The following SLC26A7 variants were observed in gnomAD, a reference collection of about 807,000 sequenced individuals.
The protein encoded by SLC26A7 is solute carrier family 26 member 7, also known as anion exchange transporter.
In SLC26A7, 59 loss-of-function variants were observed where a neutral mutation model predicts 82.5. The observed-to-expected ratio is 0.72, with a 90% CI of 0.58 to 0.89. The LOEUF (loss-of-function observed/expected upper bound fraction) is 0.89, where lower values mean the gene tolerates loss of function less well. SLC26A7 is among the 40% of genes least tolerant of loss of function. SLC26A7 has a pLI of 0.00. For synonymous variants in SLC26A7, 271 were observed against 274.3 expected, an observed-to-expected ratio of 0.99 and a Z score of 0.12; for missense variants, 820 against 793.0, an observed-to-expected ratio of 1.03 and a Z score of -0.41.
chr8:91,236,319 T>A (rs1810392270), intron 2 of SLC26A7, among the ~76,000 whole-genome samples: 1 of 152,182 alleles, frequency 6.6e-6, no homozygotes, highest in Admixed American at 6.5e-5. Context: ...TGCCAAAGTT[T>A]TCAGGGAATA....
chr8:91,312,561 TC>T (rs886186401), intron 4 of SLC26A7, among the ~76,000 whole-genome samples: 7 of 152,086 alleles, frequency 4.6e-5, no homozygotes, highest in African/African-American at 1.7e-4. Flanking sequence ...CATTTTACAT[TC>T]CCAGCAACAG....
Position 91,354,206 on chromosome 8 carries a change from C to T in SLC26A7, c.1314+1210C>T, listed in dbSNP as rs1482965149. On this transcript the variant is annotated intron_variant, in intron 11 of 18. Transcript: ENST00000276609. ...TGATAACCCTATGGTTAAGTTATTTCTAAGGAACTCATTGATCATATAGGA... is the reference window on the plus strand; with the variant it reads ...TGATAACCCTATGGTTAAGTTATTTTTAAGGAACTCATTGATCATATAGGA... Among the ~76,000 whole-genome samples, 3 of 152,042 alleles carry T rather than the reference C, an allele frequency of 2.0e-5. No homozygotes were observed. In the East Asian group the frequency reaches 5.8e-4, roughly 29 times the overall value.
chr8:91,340,581 C>G (rs375616235), intron 8 of SLC26A7, 30 bp downstream of exon 8: 126 of 1,612,664 alleles, frequency 7.8e-5, no homozygotes, highest in Middle Eastern at 4.9e-4. Context: ...CCTCTCCACT[C>G]CAGTTGTATC....
intron 3 of SLC26A7, among the ~76,000 whole-genome samples, chr8:91,293,454 T>C (rs1158854819): frequency 6.6e-6 from 1 of 152,196 alleles, no homozygotes; most frequent in Non-Finnish European, 1.5e-5. Flanking sequence ...CTTCCCTTGA[T>C]TGGCCTTCAT....
intron 2 of SLC26A7, among the ~76,000 whole-genome samples, chr8:91,254,778 T>A (rs1293137285): frequency 2.0e-5 from 3 of 152,182 alleles, no homozygotes; most frequent in Admixed American, 1.3e-4. Context: ...TTGTATTTTT[T>A]AAAAATATTT....
chr8:91,243,735 A>G (rs1810504933), intron 2 of SLC26A7, among the ~76,000 whole-genome samples: 2 of 151,728 alleles, frequency 1.3e-5, no homozygotes. Flanking sequence ...TAGCCAGAGT[A>G]AAAAAAAATC....
chr8:91,244,495 T>C (rs1281208438), upstream of SLC26A7, among the ~76,000 whole-genome samples: 7 of 150,838 alleles, frequency 4.6e-5, 1 homozygote, highest in African/African-American at 7.3e-5. Flanking sequence ...TTTTTTTTTT[T>C]CTTGCTGCTT....
At chr8:91,344,182 T>G in intron 9 of SLC26A7, 1 of 985,420 alleles carries the variant, frequency 1.0e-6, no homozygotes, top group Non-Finnish European at 1.2e-6. Context: ...AAACCTTTGA[T>G]GATCTAGGCA....
At chr8:91,265,130 A>G (rs1326128660) in intron 2 of SLC26A7, among the ~76,000 whole-genome samples, 1 of 152,010 alleles carries the variant, frequency 6.6e-6, no homozygotes, top group Non-Finnish European at 1.5e-5. Flanking sequence ...TGTAAGTGAG[A>G]TTATGCGGTA....
chr8:91,351,056 T>G (rs1813701655), intron 9 of SLC26A7, among the ~76,000 whole-genome samples: 1 of 152,134 alleles, frequency 6.6e-6, no homozygotes. Flanking sequence ...GTTCTAGGCA[T>G]CTCCATGGCC....
intron 2 of SLC26A7, among the ~76,000 whole-genome samples, chr8:91,228,060 C>T (rs912530240): frequency 2.6e-5 from 4 of 152,198 alleles, no homozygotes; most frequent in African/African-American, 9.7e-5. Context: ...TGGCATGAAG[C>T]CTCCTGATCT....
chr8:91,295,479 A>C, intron 3 of SLC26A7, 52 bp from the exon 4 acceptor site: 1 of 1,561,324 alleles, frequency 6.4e-7, no homozygotes, highest in Non-Finnish European at 8.7e-7. Context: ...ATTTTTATTG[A>C]GCCTTTAAAT....
At chr8:91,381,634 G>A (rs1347276402) in intron 15 of SLC26A7, among the ~76,000 whole-genome samples, 2 of 152,122 alleles carry the variant, frequency 1.3e-5, no homozygotes, top group East Asian at 3.8e-4. Context: ...CACCTTTGCT[G>A]GGTCCTCGTG....
chr8:91,246,316 T>C (rs1810543390), upstream of SLC26A7, among the ~76,000 whole-genome samples: 1 of 152,178 alleles, frequency 6.6e-6, no homozygotes, highest in African/African-American at 2.4e-5. Context: ...TCAAAAGGAA[T>C]GTACAATCTC....
At chr8:91,365,561 T>A (rs1814169352) in intron 13 of SLC26A7, among the ~76,000 whole-genome samples, 1 of 152,206 alleles carries the variant, frequency 6.6e-6, no homozygotes, top group Non-Finnish European at 1.5e-5. Flanking sequence ...GTTTGGCAAC[T>A]TAAGGTTTGT....
Position 91,362,332 on chromosome 8 carries a change from T to G in SLC26A7, c.1315-21T>G, listed in dbSNP as rs762939519. On this transcript the variant is annotated intron_variant, in intron 11 of 18. Coordinates refer to ENST00000276609, the MANE Select transcript of SLC26A7 (RefSeq NM_052832.4). ...TGAATTCCAAAGGATTCACAACTTC[T>G]GTTTCTTGTTTCTCTTTCAGGGAAT... 10 of 1,576,812 alleles carry G rather than the reference T, an allele frequency of 6.3e-6. No individual in the cohort carries two copies. In the Admixed American group the frequency reaches 1.7e-4, roughly 27 times the overall value.
intron 15 of SLC26A7, among the ~76,000 whole-genome samples, chr8:91,378,651 C>G (rs1814585594): frequency 6.6e-6 from 1 of 151,666 alleles, no homozygotes; most frequent in African/African-American, 2.4e-5. Context: ...GTTGTGTTCT[C>G]TCTCAGATAC....
At chr8:91,304,916 T>C (rs556272847) in intron 4 of SLC26A7, among the ~76,000 whole-genome samples, 18 of 152,282 alleles carry the variant, frequency 1.2e-4, no homozygotes, top group Middle Eastern at 3.4e-3. Flanking sequence ...CTCTGTGTCT[T>C]TCAAGGTTCA....
intron 5 of SLC26A7, among the ~76,000 whole-genome samples, chr8:91,333,670 T>C (rs1360781456): frequency 6.6e-6 from 1 of 152,184 alleles, no homozygotes; most frequent in African/African-American, 2.4e-5. Flanking sequence ...TTGTTTTACT[T>C]AGCAATTCCT....
Sources: gnomAD v4.1 joint callset for allele counts (sites outside exome capture counted in the v4.1 genomes callset) on GRCh38, gnomAD v4.1.1 for gene constraint, MANE v1.5 for transcripts, NCBI Gene and HGNC (gene_info 2026-07-23, HGNC 2026-07-21) for gene names.